RBFOX1: variants seen among roughly 807,000 people sequenced by gnomAD.
RBFOX1 encodes RNA binding protein fox-1 homolog 1.
Under a neutral mutation model 57.7 loss-of-function variants are expected in RBFOX1, and 8 were observed. The observed-to-expected ratio is 0.14, with a 90% CI of 0.08 to 0.25. The LOEUF is 0.25. Among genes scored for constraint, RBFOX1 ranks in the 10% least tolerant of loss-of-function variants. The probability of loss-of-function intolerance (pLI) is 1.00; values close to 1 mark genes in which losing one functional copy is unlikely to be tolerated. For missense variants in RBFOX1, 611 were observed against 548.5 expected, an observed-to-expected ratio of 1.11 and a Z score of -1.14; for synonymous variants, 326 against 222.4, an observed-to-expected ratio of 1.47 and a Z score of -4.15.
At chr16:7,213,621 T>G (rs1457405051) in intron 4 of RBFOX1, among the ~76,000 whole-genome samples, 1 of 152,062 alleles carries the variant, frequency 6.6e-6, no homozygotes, top group East Asian at 1.9e-4. Flanking sequence ...GCTTACCGTG[T>G]GCCTGGAACT....
At chr16:6,462,112 C>T (rs1054066339) in intron 2 of RBFOX1, among the ~76,000 whole-genome samples, 1 of 152,152 alleles carries the variant, frequency 6.6e-6, no homozygotes, top group African/African-American at 2.4e-5. Context: ...TTTATAAAAT[C>T]CTTATATTAG....
At chr16:7,703,702 G>A (rs12444931) in intron 14 of RBFOX1, among the ~76,000 whole-genome samples, 65,132 of 151,996 alleles carry the variant, frequency 0.43, 14,265 homozygotes, top group Non-Finnish European at 0.44. Flanking sequence ...CAGTAGAGTT[G>A]ATAAAGCACT....
chr16:6,833,980 G>C (rs575723234), intron 3 of RBFOX1, among the ~76,000 whole-genome samples: 5 of 152,272 alleles, frequency 3.3e-5, no homozygotes, highest in African/African-American at 9.6e-5. Flanking sequence ...AGGCACAGTA[G>C]GGTTTGGACT....
chr16:5,975,178 A>G (rs1258716164), intron 4 of RBFOX1, among the ~76,000 whole-genome samples: 1 of 152,226 alleles, frequency 6.6e-6, no homozygotes, highest in Non-Finnish European at 1.5e-5. Flanking sequence ...AAATTCCAAC[A>G]GCCTAGCTGA....
chr16:5,854,549 C>T (rs1432530672), intron 3 of RBFOX1, among the ~76,000 whole-genome samples: 2 of 150,066 alleles, frequency 1.3e-5, no homozygotes, highest in East Asian at 2.0e-4. Context: ...TATGTTTATA[C>T]CTATCTTACC....
chr16:6,833,744 G>T (rs1046791432), intron 3 of RBFOX1, among the ~76,000 whole-genome samples: 3 of 152,178 alleles, frequency 2.0e-5, no homozygotes, highest in Non-Finnish European at 4.4e-5. Flanking sequence ...AAAACAAAAA[G>T]AATTAATTTG....
intron 2 of RBFOX1, among the ~76,000 whole-genome samples, chr16:6,367,595 G>A (rs761793264): frequency 6.6e-6 from 1 of 152,052 alleles, no homozygotes; most frequent in Non-Finnish European, 1.5e-5. Context: ...TTATGCATTT[G>A]AAATCAGGTA....
intron 5 of RBFOX1, among the ~76,000 whole-genome samples, chr16:7,567,972 AAAC>A (rs2092302578): frequency 6.6e-6 from 1 of 151,700 alleles, no homozygotes; most frequent in African/African-American, 2.4e-5. Flanking sequence ...GCCCAAGAAA[AAAC>A]ATTAAAATGC....
chr16:6,530,439 C>G (rs151204603), intron 2 of RBFOX1, among the ~76,000 whole-genome samples: 1 of 152,234 alleles, frequency 6.6e-6, no homozygotes, highest in African/African-American at 2.4e-5. Flanking sequence ...AACATTGTTG[C>G]TATTTGTCTG....
intron 3 of RBFOX1, among the ~76,000 whole-genome samples, chr16:6,969,493 A>G (rs12921233): frequency 3.3e-5 from 5 of 151,972 alleles, no homozygotes; most frequent in Non-Finnish European, 7.4e-5. Flanking sequence ...CCAGCACTTC[A>G]GGAGGCCAAC....
intron 2 of RBFOX1, among the ~76,000 whole-genome samples, chr16:6,530,484 C>G (rs920371662): frequency 2.6e-5 from 4 of 152,166 alleles, no homozygotes; most frequent in Non-Finnish European, 4.4e-5. Context: ...TTCTTTCTTT[C>G]TCACGATGCA....
At chr16:5,530,380 C>A (rs1202288855) in intron 2 of RBFOX1, among the ~76,000 whole-genome samples, 2 of 152,076 alleles carry the variant, frequency 1.3e-5, no homozygotes, top group African/African-American at 2.4e-5. Context: ...AATCAGGGTT[C>A]AGAGATGTGA....
intron 3 of RBFOX1, among the ~76,000 whole-genome samples, chr16:6,797,965 C>CGGTGATGGTGATAGT (rs1332951059): frequency 2.6e-5 from 4 of 151,600 alleles, no homozygotes; most frequent in African/African-American, 9.7e-5. Context: ...ATGGTGATCA[C>CGGTGATGGTGATAGT]GGTGATGGTG....
At chr16:6,487,924 C>G (rs1315709667) in intron 2 of RBFOX1, among the ~76,000 whole-genome samples, 5 of 151,672 alleles carry the variant, frequency 3.3e-5, no homozygotes, top group African/African-American at 9.7e-5. Context: ...CTTTAATGAT[C>G]TGTAGTTTTT....
intron 2 of RBFOX1, among the ~76,000 whole-genome samples, chr16:5,598,314 AG>A (rs2047254825): frequency 6.6e-6 from 1 of 152,124 alleles, no homozygotes; most frequent in Admixed American, 6.5e-5. Context: ...GTGGAAGGTT[AG>A]GGACCCCCAG....
At chr16:7,167,974 G>T (rs150573913) in intron 4 of RBFOX1, among the ~76,000 whole-genome samples, 1 of 152,124 alleles carries the variant, frequency 6.6e-6, no homozygotes, top group African/African-American at 2.4e-5. Context: ...CTTTAACAGC[G>T]CAGAACCACA....
intron 3 of RBFOX1, among the ~76,000 whole-genome samples, chr16:5,691,827 G>T (rs2050689105): frequency 6.6e-6 from 1 of 152,100 alleles, no homozygotes; most frequent in Admixed American, 6.5e-5. Context: ...ATTTGTCTGA[G>T]ACTGTCCCAC....
intron 3 of RBFOX1, among the ~76,000 whole-genome samples, chr16:6,820,877 T>G (rs1212767483): frequency 6.6e-6 from 1 of 152,148 alleles, no homozygotes; most frequent in East Asian, 1.9e-4. Context: ...AGTGTTGCTG[T>G]TTTTCATCCT....
At chr16:6,496,516 C>T (rs971492320) in intron 2 of RBFOX1, among the ~76,000 whole-genome samples, 9 of 152,174 alleles carry the variant, frequency 5.9e-5, no homozygotes, top group African/African-American at 2.2e-4. Context: ...TCAATTTTGC[C>T]TGCCCACTTG....
Sources: gnomAD v4.1 joint callset for allele counts (sites outside exome capture counted in the v4.1 genomes callset) on GRCh38, gnomAD v4.1.1 for gene constraint, MANE v1.5 for transcripts, NCBI Gene and HGNC (gene_info 2026-07-23, HGNC 2026-07-21) for gene names.